Variants in MTHFD1L observed in about 807,000 individuals in gnomAD.
MTHFD1L encodes the protein methylenetetrahydrofolate dehydrogenase (NADP+ dependent) 1 like, also known as monofunctional C1-tetrahydrofolate synthase, mitochondrial.
In MTHFD1L, 81 loss-of-function variants were observed where a neutral mutation model predicts 119.5. That is an observed-to-expected ratio of 0.68 (90% CI 0.57 to 0.82). MTHFD1L has a LOEUF of 0.82. MTHFD1L is among the 40% of genes least tolerant of loss of function. MTHFD1L has a pLI of 0.00. For missense variants in MTHFD1L, 1,125 were observed against 1,253.4 expected, an observed-to-expected ratio of 0.90 and a Z score of 1.55; for synonymous variants, 430 against 475.2, an observed-to-expected ratio of 0.90 and a Z score of 1.24.
chr6:150,998,973 G>C (rs1488990720), intron 20 of MTHFD1L, among the ~76,000 whole-genome samples: 1 of 113,236 alleles, frequency 8.8e-6, no homozygotes, highest in African/African-American at 3.1e-5. Context: ...TGGGCAAACA[G>C]AGGGAGACCC....
intron 26 of MTHFD1L, among the ~76,000 whole-genome samples, chr6:151,059,028 GC>G (rs1790325744): frequency 6.6e-6 from 1 of 151,804 alleles, no homozygotes; most frequent in African/African-American, 2.4e-5. Context: ...TTGAGGCAGT[GC>G]CTCAGTGAGG....
chr6:151,036,948 T>G lies in MTHFD1L; in HGVS notation c.2695-17T>G. 6.2e-7 allele frequency: 1 copy of G among 1,611,902 alleles called. No homozygotes were observed. The highest frequency in any genetic ancestry group is 8.5e-7 in the Non-Finnish European group (1 of 1,179,730). On this transcript the variant is annotated splice_polypyrimidine_tract_variant and intron_variant, in intron 25 of 27. Coordinates refer to ENST00000367321, the MANE Select transcript of MTHFD1L (RefSeq NM_015440.5). The stretch of plus-strand genomic sequence containing the variant: ...AACATCTGTATCAGTGAACACATTT[T>G]CTTTCCTTTCTCACAGGGTTTTGGA...
chr6:150,932,383 A>G (rs899738563), intron 11 of MTHFD1L, among the ~76,000 whole-genome samples: 9 of 152,148 alleles, frequency 5.9e-5, no homozygotes, highest in Non-Finnish European at 1.0e-4. Flanking sequence ...TCTAGATATC[A>G]GAGAGGGGGT....
At chr6:150,937,834 C>T (rs1161455236) in intron 12 of MTHFD1L, among the ~76,000 whole-genome samples, 1 of 152,146 alleles carries the variant, frequency 6.6e-6, no homozygotes, top group Non-Finnish European at 1.5e-5. Context: ...AGAACGAGGG[C>T]TACTGTCAAA....
chr6:150,887,368 G>T (rs1345327536), intron 6 of MTHFD1L, among the ~76,000 whole-genome samples: 1 of 152,184 alleles, frequency 6.6e-6, no homozygotes, highest in African/African-American at 2.4e-5. Context: ...AACCAAAAGG[G>T]TTTGAATAGA....
At chr6:151,040,118 G>C (rs1207904155) in intron 26 of MTHFD1L, among the ~76,000 whole-genome samples, 1 of 152,142 alleles carries the variant, frequency 6.6e-6, no homozygotes, top group Non-Finnish European at 1.5e-5. Context: ...CCCAAACAGA[G>C]CATGAAATGG....
chr6:150,891,042 G>A (rs570814235), intron 7 of MTHFD1L, among the ~76,000 whole-genome samples: 131 of 152,322 alleles, frequency 8.6e-4, no homozygotes, highest in Non-Finnish European at 1.6e-3. Context: ...CTGCAGTGCA[G>A]TGGCGCGAAC....
At chr6:151,013,718 C>G (rs1782614406) in intron 21 of MTHFD1L, 61 bp from the exon 22 acceptor site, 30 of 1,407,612 alleles carry the variant, frequency 2.1e-5, no homozygotes, top group Non-Finnish European at 3.0e-5. Flanking sequence ...TTCTTTCTTT[C>G]AGATCGGTTG....
intron 7 of MTHFD1L, among the ~76,000 whole-genome samples, chr6:150,903,203 A>ATTCTTTTTTTTTTTTTTTTT (rs1562348409): frequency 8.2e-5 from 7 of 85,474 alleles, no homozygotes; most frequent in African/African-American, 3.5e-4. Flanking sequence ...TGGCTGCAAA[A>ATTCTTTTTTTTTTTTTTTTT]TTTTTTTTTT....
intron 26 of MTHFD1L, among the ~76,000 whole-genome samples, chr6:151,078,697 C>T (rs1053464247): frequency 6.6e-6 from 1 of 152,102 alleles, no homozygotes; most frequent in African/African-American, 2.4e-5. Flanking sequence ...CACAGCATGG[C>T]AGCTTATTTC....
intron 26 of MTHFD1L, among the ~76,000 whole-genome samples, chr6:151,038,903 A>G (rs1485842787): frequency 6.6e-6 from 1 of 152,168 alleles, no homozygotes; most frequent in African/African-American, 2.4e-5. Flanking sequence ...CAGAGCCAGA[A>G]ATGAGCCTGG....
At position 151,039,170 on chromosome 6, in the gene MTHFD1L, G is replaced by C. The variant is rs1457280534; in HGVS notation, c.2847+2053G>C. On this transcript the variant is annotated intron_variant, in intron 26 of 27. Coordinates refer to ENST00000367321, the MANE Select transcript of MTHFD1L (RefSeq NM_015440.5). This position sits in a 1 kb window ranked among gnomAD's most constrained non-coding sequence, Gnocchi z 4.4. ...AGCAGGGGTGCCTTCCAGGAGGCGGGAAGGAAGGAGCAGCGGCATGGCAGA... is the reference window on the plus strand; with the variant it reads ...AGCAGGGGTGCCTTCCAGGAGGCGGCAAGGAAGGAGCAGCGGCATGGCAGA... 1.3e-5 allele frequency among the ~76,000 whole-genome samples: 2 copies of C among 152,112 alleles called. No individual in the cohort carries two copies. Among genetic ancestry groups the C allele is most frequent in the Admixed American group, 1.3e-4 (2 of 15,276 alleles).
chr6:150,900,031 T>TA (rs1310889442), intron 7 of MTHFD1L, among the ~76,000 whole-genome samples: 1 of 148,468 alleles, frequency 6.7e-6, no homozygotes, highest in Non-Finnish European at 1.5e-5. Context: ...ATTTATATTT[T>TA]TATATATATA....
chr6:151,054,908 A>G (rs1206630417), intron 26 of MTHFD1L: 2 of 152,170 alleles, frequency 1.3e-5, no homozygotes, highest in Admixed American at 6.5e-5. Flanking sequence ...CAACAGTGTA[A>G]AAATACATAG....
chr6:150,938,609 G>T, intron 12 of MTHFD1L, 90 bp from the exon 13 acceptor site: 1 of 1,379,802 alleles, frequency 7.2e-7, no homozygotes, highest in Non-Finnish European at 1.0e-6. Context: ...CCTCTCTGTT[G>T]GGTTTGGGGA....
chr6:151,065,654 C>T (rs899782765), intron 26 of MTHFD1L, among the ~76,000 whole-genome samples: 1 of 152,252 alleles, frequency 6.6e-6, no homozygotes, highest in African/African-American at 2.4e-5. Flanking sequence ...TTCTCTCCCA[C>T]CATCTGCACA....
chr6:151,050,248 C>T (rs767663327), intron 26 of MTHFD1L, among the ~76,000 whole-genome samples: 7 of 152,184 alleles, frequency 4.6e-5, no homozygotes, highest in South Asian at 2.1e-4. Flanking sequence ...CTGCTACCTC[C>T]GCCTCCTGGG....
intron 5 of MTHFD1L, 76 bp from the exon 6 acceptor site, chr6:150,885,558 A>T: frequency 2.0e-6 from 2 of 991,218 alleles, no homozygotes; most frequent in Non-Finnish European, 3.2e-6. Context: ...ATTTGGGGTT[A>T]ATATATGTAC....
chr6:150,903,203 ATTTTTTT>A (rs774695918), intron 7 of MTHFD1L, among the ~76,000 whole-genome samples: 3,400 of 85,414 alleles, frequency 0.04, 244 homozygotes, highest in African/African-American at 0.11. Context: ...TGGCTGCAAA[ATTTTTTT>A]TTTTTTTTTT....
Sources: gnomAD v4.1 joint callset for allele counts (sites outside exome capture counted in the v4.1 genomes callset) on GRCh38, gnomAD v4.1.1 for gene constraint, Gnocchi (gnomAD v3.1) non-coding constraint, MANE v1.5 for transcripts, NCBI Gene and HGNC (gene_info 2026-07-23, HGNC 2026-07-21) for gene names.